The following BCR variants were observed in gnomAD, a reference collection of about 807,000 sequenced individuals.
BCR encodes breakpoint cluster region protein.
BCR carries 58 observed loss-of-function variants against 138.6 expected under a neutral mutation model. That is an observed-to-expected ratio of 0.42 (90% confidence interval 0.34 to 0.52). The LOEUF is 0.52. BCR is among the 20% of genes least tolerant of loss of function. The pLI is 0.06. For synonymous variants in BCR, 786 were observed against 730.1 expected, an observed-to-expected ratio of 1.08 and a Z score of -1.23; for missense variants, 1,599 against 1,727.2, an observed-to-expected ratio of 0.93 and a Z score of 1.32.
At chr22:23,263,269 C>T in intron 4 of BCR, 1 of 1,101,064 alleles carries the variant, frequency 9.1e-7, no homozygotes, top group Non-Finnish European at 1.3e-6. Flanking sequence ...GACATGCGGG[C>T]CCTCGGCCGC....
intron 16 of BCR, among the ~76,000 whole-genome samples, chr22:23,304,852 C>G (rs112127229): frequency 1.3e-5 from 2 of 152,060 alleles, no homozygotes; most frequent in Admixed American, 1.3e-4. Context: ...CGGTGGCTTA[C>G]GCCTGTAATC....
chr22:23,280,855 C>T (rs1486177580), intron 8 of BCR, among the ~76,000 whole-genome samples: 3 of 152,258 alleles, frequency 2.0e-5, no homozygotes, highest in Non-Finnish European at 4.4e-5. Flanking sequence ...TGCTGTCCCA[C>T]TGCCCTGCCC....
intron 1 of BCR, among the ~76,000 whole-genome samples, chr22:23,214,723 G>A (rs2072730695): frequency 1.3e-5 from 2 of 152,188 alleles, no homozygotes; most frequent in Non-Finnish European, 1.5e-5. Flanking sequence ...AAACAGAGTC[G>A]GCGTTTGTGA....
intron 16 of BCR, among the ~76,000 whole-genome samples, chr22:23,304,757 G>T (rs967662561): frequency 1.3e-5 from 2 of 152,164 alleles, no homozygotes; most frequent in African/African-American, 4.8e-5. Flanking sequence ...AGGGAGAAGG[G>T]TGTGTTCCTT....
At chr22:23,260,905 C>A in intron 2 of BCR, 45 bp from the exon 3 acceptor site, 1 of 1,570,746 alleles carries the variant, frequency 6.4e-7, no homozygotes. Flanking sequence ...TGGAAGAATC[C>A]CCCTACCACC....
chr22:23,217,574 C>T (rs757877473), intron 1 of BCR, among the ~76,000 whole-genome samples: 7 of 152,132 alleles, frequency 4.6e-5, no homozygotes, highest in Admixed American at 6.5e-5. Flanking sequence ...TAGGGGGCAT[C>T]GGTGGGAACC....
intron 1 of BCR, among the ~76,000 whole-genome samples, chr22:23,227,053 A>C (rs1241085929): frequency 6.6e-6 from 1 of 151,022 alleles, no homozygotes; most frequent in Non-Finnish European, 1.5e-5. Context: ...AGTTCACCTT[A>C]AGCTTTAAAA....
At chr22:23,243,373 C>T (rs577249059) in intron 1 of BCR, among the ~76,000 whole-genome samples, 5 of 152,286 alleles carry the variant, frequency 3.3e-5, no homozygotes, top group African/African-American at 9.6e-5. Flanking sequence ...AGCCTGATCT[C>T]GGCTGAACTG....
intron 16 of BCR, among the ~76,000 whole-genome samples, chr22:23,295,383 A>G (rs2073834093): frequency 6.6e-6 from 1 of 152,132 alleles, no homozygotes. Context: ...GCTCATTCCC[A>G]AAGGAATTTC....
intron 1 of BCR, among the ~76,000 whole-genome samples, chr22:23,249,726 A>G (rs769813761): frequency 9.9e-5 from 15 of 152,178 alleles, no homozygotes; most frequent in South Asian, 6.2e-4. Flanking sequence ...TCCTCCCCAC[A>G]CCATCATTTG....
intron 11 of BCR, 147 bp downstream of exon 11, chr22:23,287,425 G>T (rs952638922): frequency 2.3e-6 from 3 of 1,331,948 alleles, no homozygotes; most frequent in Non-Finnish European, 3.0e-6. Context: ...ACATTCCTTT[G>T]TCTGGGGCTT....
chr22:23,234,256 C>A (rs541232462), intron 1 of BCR, among the ~76,000 whole-genome samples: 1 of 152,264 alleles, frequency 6.6e-6, no homozygotes, highest in East Asian at 1.9e-4. Context: ...GCCACCCTGA[C>A]CTCTGTCACT....
chr22:23,300,535 C>A (rs1333640006), intron 16 of BCR, among the ~76,000 whole-genome samples: 1 of 152,124 alleles, frequency 6.6e-6, no homozygotes, highest in Non-Finnish European at 1.5e-5. Context: ...TTGGTGTTAT[C>A]TTTGCATTCG....
intron 16 of BCR, among the ~76,000 whole-genome samples, chr22:23,301,930 C>T (rs1189550518): frequency 6.6e-6 from 1 of 152,224 alleles, no homozygotes; most frequent in East Asian, 1.9e-4. Context: ...CCTGCCCACA[C>T]ACAAGGACTT....
At position 23,181,389 on chromosome 22, in the gene BCR, C is replaced by T. The variant is rs763633585; in HGVS notation, c.429C>T (p.Asp143=). 2 of 1,546,186 alleles carry T rather than the reference C, an allele frequency of 1.3e-6. No homozygotes were observed. The highest frequency in any genetic ancestry group is 8.7e-7 in the Non-Finnish European group (1 of 1,148,914). Reference sequence around the variant, plus strand: ...GGGCAGCCGCGTCGGGGGAACGGGACGACCGGGGACCCCCCGCCAGCGTGG... The same window carrying T: ...GGGCAGCCGCGTCGGGGGAACGGGATGACCGGGGACCCCCCGCCAGCGTGG... ...RPGAAASGER[D]DRGPPASVAA... Residue 143 remains aspartate, a synonymous_variant, in exon 1 of 23, where the codon GAC becomes GAT. Transcript: ENST00000305877.
chr22:23,208,417 T>TG lies in BCR; in HGVS notation c.1279+26178_1279+26179insG, dbSNP rs1405601277. 1.5e-4 allele frequency among the ~76,000 whole-genome samples: 5 copies of TG among 34,080 alleles called. No individual in the cohort carries two copies. The East Asian group carries it at 7.9e-3, about 54-fold the overall frequency. The allele number at this position is 34,080 out of a possible 152,430, so 22.4% of individuals were successfully genotyped here. On this transcript the variant is annotated intron_variant, in intron 1 of 22. Coordinates refer to ENST00000305877, the MANE Select transcript of BCR (RefSeq NM_004327.4). ...TTGGGATTTTTCATTTGATTTTATG[T>TG]TTTTTTTTTAATCAAGGTAAAATAC...
At chr22:23,263,317 A>G in intron 4 of BCR, 7 of 1,180,118 alleles carry the variant, frequency 5.9e-6, no homozygotes, top group Non-Finnish European at 3.7e-6. Flanking sequence ...CACTTCACCA[A>G]CTGCGACCTG....
chr22:23,235,032 G>A (rs1307274235), intron 1 of BCR, among the ~76,000 whole-genome samples: 1 of 143,998 alleles, frequency 6.9e-6, no homozygotes, highest in Admixed American at 7.0e-5. Context: ...TGAAAACCAG[G>A]GTCAGCTCGA....
At chr22:23,260,081 TG>T (rs1468127590) in intron 2 of BCR, among the ~76,000 whole-genome samples, 3 of 152,208 alleles carry the variant, frequency 2.0e-5, no homozygotes, top group Non-Finnish European at 2.9e-5. Flanking sequence ...TCTAAGGTAC[TG>T]GGGGTTAGGG....
Sources: gnomAD v4.1 joint callset for allele counts (sites outside exome capture counted in the v4.1 genomes callset) on GRCh38, gnomAD v4.1.1 for gene constraint, MANE v1.5 for transcripts, NCBI Gene and HGNC (gene_info 2026-07-23, HGNC 2026-07-21) for gene names.